Variants in SLCO5A1 observed in about 807,000 individuals in gnomAD.
SLCO5A1 encodes the protein organic anion transporter polypeptide-related protein 4.
In SLCO5A1, 39 loss-of-function variants were observed where a neutral mutation model predicts 65.1. The observed-to-expected ratio is 0.60, with a 90% CI of 0.46 to 0.78. SLCO5A1 has a LOEUF of 0.78. Ranked by LOEUF, SLCO5A1 falls within the 30% of genes least tolerant of loss-of-function variation. The probability of loss-of-function intolerance (pLI) is 0.00; values close to 1 mark genes in which losing one functional copy is unlikely to be tolerated. For missense variants in SLCO5A1, 1,029 were observed against 1,069.4 expected, an observed-to-expected ratio of 0.96 and a Z score of 0.53; for synonymous variants, 438 against 415.7, an observed-to-expected ratio of 1.05 and a Z score of -0.65.
rs1055040006 is a variant in SLCO5A1, at chr8:69,671,934, A to G, written c.*935T>C. ...TTGCCAGTGCTTTCAAGATGTAACT[A>G]AAATACTCAGGTGGGACTTTTCCCA... On this transcript the variant is annotated 3_prime_UTR_variant, in exon 10 of 10. Coordinates refer to ENST00000260126, the MANE Select transcript of SLCO5A1 (RefSeq NM_030958.3). 2.0e-5 allele frequency: 3 copies of G among 152,328 alleles called. No homozygotes were observed. Among genetic ancestry groups the G allele is most frequent in the African/African-American group, 7.2e-5 (3 of 41,576 alleles). The allele number at this position is 152,328 out of a possible 1,614,324, so 9.4% of individuals were successfully genotyped here. A position where few individuals can be genotyped will look rare whatever the true frequency, so the allele number is the denominator to read the frequency against.
intron 4 of SLCO5A1, among the ~76,000 whole-genome samples, chr8:69,749,343 G>A (rs1303541037): frequency 1.3e-5 from 2 of 152,148 alleles, no homozygotes; most frequent in African/African-American, 4.8e-5. Flanking sequence ...GTTTCACCGG[G>A]CGCAGTGGCT....
chr8:69,774,635 AG>A (rs1414702230), intron 2 of SLCO5A1, among the ~76,000 whole-genome samples: 3 of 152,200 alleles, frequency 2.0e-5, no homozygotes, highest in African/African-American at 7.2e-5. Flanking sequence ...CAGTGGTTTA[AG>A]GTTACAAGCT....
At chr8:69,680,782 G>A (rs1169032294) in intron 7 of SLCO5A1, among the ~76,000 whole-genome samples, 2 of 151,998 alleles carry the variant, frequency 1.3e-5, no homozygotes, top group Non-Finnish European at 2.9e-5. Context: ...CCTTTAGTTA[G>A]CTGGTGCCCT....
chr8:69,713,394 C>T (rs1815362751), intron 5 of SLCO5A1: 1 of 152,184 alleles, frequency 6.6e-6, no homozygotes, highest in African/African-American at 2.4e-5. Context: ...GACAAGAAAG[C>T]AGAATGAGTA....
rs188924020 is a variant in SLCO5A1, at chr8:69,756,656, G to A, written c.1041-1015C>T. ...CAGAGAGGGGAAATTAATGTGTATC[G>A]GAAAGCTTCCTAAAAGAAGTAGAAC... is the stretch of plus-strand genomic sequence containing the variant. On this transcript the variant is annotated intron_variant, in intron 3 of 9. Transcript: ENST00000260126. 2.2e-3 allele frequency among the ~76,000 whole-genome samples: 333 copies of A among 152,318 alleles called. 1 individual carries two copies. The highest frequency in any genetic ancestry group is 7.3e-3 in the African/African-American group (304 of 41,574).
At chr8:69,804,752 G>A (rs1298551864) in intron 2 of SLCO5A1, among the ~76,000 whole-genome samples, 1 of 152,148 alleles carries the variant, frequency 6.6e-6, no homozygotes, top group Non-Finnish European at 1.5e-5. Context: ...CCAAGCAGGA[G>A]GCTACCCACT....
At chr8:69,725,145 GAGGCCAAATTAGTTGACTCACTCA>G (rs1187726427) in intron 5 of SLCO5A1, among the ~76,000 whole-genome samples, 1 of 152,118 alleles carries the variant, frequency 6.6e-6, no homozygotes, top group Non-Finnish European at 1.5e-5. Flanking sequence ...CAGTAAAACT[GAGGCCAAATTAGTTGACTCACTCA>G]AGGCTACACA....
chr8:69,815,864 G>A (rs1435516277), intron 2 of SLCO5A1, among the ~76,000 whole-genome samples: 1 of 152,082 alleles, frequency 6.6e-6, no homozygotes, highest in South Asian at 2.1e-4. Context: ...GCACACCATA[G>A]TAACTTCTCT....
intron 2 of SLCO5A1, among the ~76,000 whole-genome samples, chr8:69,787,716 C>T (rs930931011): frequency 6.6e-6 from 1 of 152,174 alleles, no homozygotes; most frequent in East Asian, 1.9e-4. Flanking sequence ...TATGAACTAA[C>T]TATTGGATCT....
At chr8:69,691,591 T>C (rs1814263100) in intron 6 of SLCO5A1, among the ~76,000 whole-genome samples, 1 of 152,220 alleles carries the variant, frequency 6.6e-6, no homozygotes, top group Non-Finnish European at 1.5e-5. Flanking sequence ...GTGAAATCTG[T>C]GACCAGCTTT....
intron 5 of SLCO5A1, among the ~76,000 whole-genome samples, chr8:69,718,341 A>G (rs1815653322): frequency 6.6e-6 from 1 of 152,238 alleles, no homozygotes; most frequent in Non-Finnish European, 1.5e-5. Context: ...GTAAATATAA[A>G]TAGCTTTACT....
intron 2 of SLCO5A1, among the ~76,000 whole-genome samples, chr8:69,825,840 G>T (rs548199906): frequency 6.6e-6 from 1 of 152,108 alleles, no homozygotes; most frequent in Non-Finnish European, 1.5e-5. Context: ...TAAGCCAAAA[G>T]AACAAAGCTG....
At chr8:69,824,794 T>G (rs1586839618) in intron 2 of SLCO5A1, among the ~76,000 whole-genome samples, 1 of 152,336 alleles carries the variant, frequency 6.6e-6, no homozygotes, top group East Asian at 1.9e-4. Context: ...AGCATCATCC[T>G]GATACCAAAG....
rs1196962331 is a variant in SLCO5A1 at position 69,671,249 on chromosome 8, T to A, written c.*1620A>T. ...GAAACAGCCTTATACCCAGGAGTAT[T>A]TGCACAATTCCACCTGTGCAGTCAA... On this transcript the variant is annotated 3_prime_UTR_variant, in exon 10 of 10. Transcript: ENST00000260126. The A allele has an allele frequency of 2.0e-5, 3 of 152,244 alleles. No individual in the cohort carries two copies. Among genetic ancestry groups the A allele is most frequent in the Non-Finnish European group, 4.4e-5 (3 of 68,074 alleles). 9.4% of individuals were successfully genotyped at this position (152,244 alleles called of 1,614,324 possible).
intron 2 of SLCO5A1, among the ~76,000 whole-genome samples, chr8:69,816,207 C>A (rs79932776): frequency 1.3e-5 from 2 of 152,144 alleles, no homozygotes; most frequent in Non-Finnish European, 2.9e-5. Flanking sequence ...TTCTGGACAT[C>A]GTAGGATGTT....
At chr8:69,741,964 G>A (rs959813848) in intron 4 of SLCO5A1, among the ~76,000 whole-genome samples, 1 of 152,188 alleles carries the variant, frequency 6.6e-6, no homozygotes, top group African/African-American at 2.4e-5. Context: ...GGGATAATCA[G>A]CAAAATTTGA....
At chr8:69,687,167 C>T (rs532372450) in intron 6 of SLCO5A1, among the ~76,000 whole-genome samples, 21 of 152,270 alleles carry the variant, frequency 1.4e-4, no homozygotes, top group Admixed American at 5.9e-4. Flanking sequence ...TTTAAATTTA[C>T]TCCTACAGAG....
At chr8:69,742,539 G>A (rs867319673) in intron 4 of SLCO5A1, among the ~76,000 whole-genome samples, 2 of 152,124 alleles carry the variant, frequency 1.3e-5, no homozygotes, top group African/African-American at 4.8e-5. Context: ...AATTCAAGAG[G>A]TTATAATTTA....
chr8:69,725,460 GATGTATGTATGT>G (rs61338509), intron 5 of SLCO5A1, among the ~76,000 whole-genome samples: 24 of 150,476 alleles, frequency 1.6e-4, no homozygotes, highest in Middle Eastern at 3.4e-3. Context: ...AAAGAATAAA[GATGTATGTATGT>G]ATGTATGTAT....
Sources: allele counts gnomAD v4.1 joint callset (sites outside exome capture counted in the v4.1 genomes callset), GRCh38; gene constraint gnomAD v4.1.1; transcripts MANE v1.5; gene names NCBI Gene and HGNC (gene_info 2026-07-23, HGNC 2026-07-21).